KCNB2: variants seen among roughly 807,000 people sequenced by gnomAD.
The protein encoded by KCNB2 is potassium voltage-gated channel subfamily B member 2.
A neutral mutation model predicts 61.5 loss-of-function variants in KCNB2; 15 were observed. The ratio of observed to expected loss-of-function variants is 0.24; its 90% CI spans 0.16 to 0.38. KCNB2 has a LOEUF of 0.38. Ranked by LOEUF, KCNB2 falls within the 10% of genes least tolerant of loss-of-function variation. The probability of loss-of-function intolerance (pLI) is 1.00; values close to 1 mark genes in which losing one functional copy is unlikely to be tolerated. For synonymous variants in KCNB2, 457 were observed against 446.0 expected (o/e 1.02, Z -0.31); for missense variants, 828 against 1,125.2 (o/e 0.74, Z 3.78).
chr8:72,681,604 A>G (rs1328581961), intron 2 of KCNB2, among the ~76,000 whole-genome samples: 1 of 152,216 alleles, frequency 6.6e-6, no homozygotes, highest in African/African-American at 2.4e-5. Flanking sequence ...TGTACCCTCT[A>G]TAAAATAAGA....
At chr8:72,790,230 G>T (rs975776966) in intron 2 of KCNB2, among the ~76,000 whole-genome samples, 11 of 152,284 alleles carry the variant, frequency 7.2e-5, no homozygotes, top group African/African-American at 2.4e-4. Flanking sequence ...CTCAAGTCAA[G>T]GTAGTAAATG....
intron 2 of KCNB2, among the ~76,000 whole-genome samples, chr8:72,819,121 T>G (rs1398961408): frequency 6.6e-6 from 1 of 152,078 alleles, no homozygotes; most frequent in East Asian, 1.9e-4. Context: ...TCTTCCAAGG[T>G]CACGCCACAA....
chr8:72,686,821 G>A lies in KCNB2; in HGVS notation c.579+118508G>A, dbSNP rs965833102. On this transcript the variant is annotated intron_variant, in intron 2 of 2. Transcript: ENST00000523207. Reference sequence around the variant, plus strand: ...CACAAAACTCAGAGATTAAACCCACGTCATTTTTATCCAGATCAATACTTA... The same window carrying A: ...CACAAAACTCAGAGATTAAACCCACATCATTTTTATCCAGATCAATACTTA... 7.2e-5 allele frequency among the ~76,000 whole-genome samples: 11 copies of A among 152,158 alleles called. No homozygotes were observed. The South Asian group carries it at 1.2e-3, about 17-fold the overall frequency.
chr8:72,591,741 T>C (rs1229311107), intron 2 of KCNB2, among the ~76,000 whole-genome samples: 2 of 152,136 alleles, frequency 1.3e-5, no homozygotes, highest in Non-Finnish European at 2.9e-5. Flanking sequence ...ACCAATGGAT[T>C]GAAGATATTG....
chr8:72,805,012 G>A (rs1048885975), intron 2 of KCNB2, among the ~76,000 whole-genome samples: 14 of 152,130 alleles, frequency 9.2e-5, no homozygotes, highest in South Asian at 2.1e-4. Flanking sequence ...CGACTCTTCC[G>A]CTGGGCACTG....
intron 2 of KCNB2, among the ~76,000 whole-genome samples, chr8:72,598,471 A>G (rs950019083): frequency 1.3e-5 from 2 of 152,258 alleles, no homozygotes; most frequent in Non-Finnish European, 2.9e-5. Context: ...AGAGCTATCT[A>G]TGACAGACCT....
At chr8:72,635,564 G>A (rs1320274505) in intron 2 of KCNB2, among the ~76,000 whole-genome samples, 1 of 152,174 alleles carries the variant, frequency 6.6e-6, no homozygotes, top group African/African-American at 2.4e-5. Flanking sequence ...CTGTGGTTTA[G>A]TGGGAAATGT....
chr8:72,849,971 T>C (rs1810065668), intron 2 of KCNB2, among the ~76,000 whole-genome samples: 1 of 152,094 alleles, frequency 6.6e-6, no homozygotes, highest in South Asian at 2.1e-4. Flanking sequence ...ATCATGTGCA[T>C]TGTGAGGGCT....
At chr8:72,620,942 T>C (rs1805705506) in intron 2 of KCNB2, among the ~76,000 whole-genome samples, 1 of 152,182 alleles carries the variant, frequency 6.6e-6, no homozygotes, top group South Asian at 2.1e-4. Flanking sequence ...TTCATTGGAT[T>C]ACGTTTTAGG....
At chr8:72,748,255 C>T (rs1456218521) in intron 2 of KCNB2, among the ~76,000 whole-genome samples, 1 of 152,098 alleles carries the variant, frequency 6.6e-6, no homozygotes, top group East Asian at 1.9e-4. Context: ...ACCTGAAAAA[C>T]GTGAAGTATT....
chr8:72,771,159 A>G (rs1344634801), intron 2 of KCNB2, among the ~76,000 whole-genome samples: 1 of 152,222 alleles, frequency 6.6e-6, no homozygotes, highest in Non-Finnish European at 1.5e-5. Context: ...CTGTATAATT[A>G]AGGAAGGGAT....
intron 2 of KCNB2, among the ~76,000 whole-genome samples, chr8:72,580,976 T>C (rs1308957277): frequency 6.6e-6 from 1 of 152,160 alleles, no homozygotes; most frequent in African/African-American, 2.4e-5. Flanking sequence ...AGCATTGCAT[T>C]TATGATCCCT....
At chr8:72,907,186 G>A (rs899174528) in intron 2 of KCNB2, among the ~76,000 whole-genome samples, 9 of 151,908 alleles carry the variant, frequency 5.9e-5, no homozygotes, top group South Asian at 2.1e-4. Context: ...GTGAAACCCC[G>A]TCTCTACTAA....
At chr8:72,739,950 T>A (rs16938344) in intron 2 of KCNB2, among the ~76,000 whole-genome samples, 3,865 of 149,046 alleles carry the variant, frequency 0.026, 68 homozygotes, top group South Asian at 0.082. Flanking sequence ...GAATATTTGC[T>A]GATTGATTTA....
intron 2 of KCNB2, among the ~76,000 whole-genome samples, chr8:72,693,976 A>G (rs1407130551): frequency 3.3e-5 from 5 of 152,216 alleles, no homozygotes; most frequent in Non-Finnish European, 7.3e-5. Flanking sequence ...TTCCAAATAT[A>G]ATATAGAATG....
chr8:72,732,443 T>C (rs915034711), intron 2 of KCNB2, among the ~76,000 whole-genome samples: 4 of 152,254 alleles, frequency 2.6e-5, no homozygotes, highest in Admixed American at 1.3e-4. Flanking sequence ...CTAGGAAATG[T>C]CTGGCAACAT....
At chr8:72,766,709 A>T (rs1322105967) in intron 2 of KCNB2, among the ~76,000 whole-genome samples, 1 of 152,224 alleles carries the variant, frequency 6.6e-6, no homozygotes, top group East Asian at 1.9e-4. Flanking sequence ...TCTGAATATG[A>T]TCCATAGATA....
intron 2 of KCNB2, among the ~76,000 whole-genome samples, chr8:72,815,364 T>C (rs1042080492): frequency 1.3e-5 from 2 of 152,196 alleles, no homozygotes; most frequent in Non-Finnish European, 2.9e-5. Context: ...AAGCCTATTT[T>C]ATACCTTTCT....
At chr8:72,825,857 C>G (rs1163152967) in intron 2 of KCNB2, among the ~76,000 whole-genome samples, 1 of 152,174 alleles carries the variant, frequency 6.6e-6, no homozygotes, top group East Asian at 1.9e-4. Flanking sequence ...TCTCTTTTCA[C>G]TCTTTTGATA....
Sources: gnomAD v4.1 joint callset for allele counts (sites outside exome capture counted in the v4.1 genomes callset) on GRCh38, gnomAD v4.1.1 for gene constraint, MANE v1.5 for transcripts, NCBI Gene and HGNC (gene_info 2026-07-23, HGNC 2026-07-21) for gene names.